The following ZNF470 variants were observed in gnomAD, a reference collection of about 807,000 sequenced individuals.
ZNF470 encodes zinc finger protein 470.
A neutral mutation model predicts 13.9 loss-of-function variants in ZNF470; 13 were observed. The observed-to-expected ratio is 0.94, with a 90% CI of 0.61 to 1.49. The LOEUF (loss-of-function observed/expected upper bound fraction) is 1.49, where lower values mean the gene tolerates loss of function less well. Ranked by LOEUF, ZNF470 falls within the 40% of genes most tolerant of loss-of-function variation. The probability of loss-of-function intolerance (pLI) is 0.00; values close to 1 mark genes in which losing one functional copy is unlikely to be tolerated. For synonymous variants in ZNF470, 293 were observed against 282.9 expected (o/e 1.04, Z -0.36); for missense variants, 929 against 857.3 (o/e 1.08, Z -1.04).
rs901196579 is a variant in ZNF470, at chr19:56,579,567, T to C, written c.*984T>C. The C allele has an allele frequency of 2.0e-6, 2 of 985,334 alleles. No homozygotes were observed. The highest frequency in any genetic ancestry group is 3.5e-5 in the African/African-American group (2 of 57,254). The allele number at this position is 985,334 out of a possible 1,614,324, so 61.0% of individuals were successfully genotyped here. ...AAGGGTAGTTCAATACTTTGGCCTT[T>C]ATAAAAGTACCACAGACAATTCGTG... On this transcript the variant is annotated 3_prime_UTR_variant, in exon 6 of 6. Transcript: ENST00000330619.
chr19:56,581,251 C>A lies in ZNF470; in HGVS notation c.*2668C>A. 2 of 614,840 alleles carry A rather than the reference C, an allele frequency of 3.3e-6. No individual in the cohort carries two copies. Among genetic ancestry groups the A allele is most frequent in the Non-Finnish European group, 4.1e-6 (2 of 492,226 alleles). 38.1% of individuals were successfully genotyped at this position (614,840 alleles called of 1,614,324 possible). ...ATAAAAGCAGTTAATGAAAATTATC[C>A]AATATCACTAGAAATCAAGAAATGC... is the stretch of plus-strand genomic sequence containing the variant. On this transcript the variant is annotated 3_prime_UTR_variant, in exon 6 of 6. Coordinates refer to ENST00000330619, the MANE Select transcript of ZNF470 (RefSeq NM_001001668.4).
In ZNF470 at chr19:56,577,116, AT is replaced by A; in HGVS notation, c.688del (p.Cys230ValfsTer126). 6.2e-7 allele frequency: 1 copy of A among 1,610,744 alleles called. No individual in the cohort carries two copies. Among genetic ancestry groups the A allele is most frequent in the South Asian group, 1.1e-5 (1 of 90,430 alleles). On this transcript the variant is annotated frameshift_variant, in exon 6 of 6. Coordinates refer to ENST00000330619, the MANE Select transcript of ZNF470 (RefSeq NM_001001668.4). LOFTEE classifies it low-confidence loss of function (END_TRUNC). ...QDRGEKKLLKCNDCEKIFSKI... is the reference protein window; with the variant it reads ...QDRGEKKLLKXNDCEKIFSKI... Reference sequence around the variant, plus strand: ...ACCGTGGAGAAAAGAAACTTTTAAAATGTAATGACTGTGAGAAAATATTCAG... The same window carrying A: ...ACCGTGGAGAAAAGAAACTTTTAAAAGTAATGACTGTGAGAAAATATTCAG...
At chr19:56,573,068 T>G (rs964717571) in intron 3 of ZNF470, among the ~76,000 whole-genome samples, 2 of 152,230 alleles carry the variant, frequency 1.3e-5, no homozygotes, top group African/African-American at 4.8e-5. Context: ...TATTTTAATA[T>G]AGGTAATCTA....
chr19:56,579,866 G>C lies in ZNF470; in HGVS notation c.*1283G>C. The C allele has an allele frequency of 1.8e-6, 1 of 549,202 alleles. No homozygotes were observed. Among genetic ancestry groups the C allele is most frequent in the Non-Finnish European group, 2.3e-6 (1 of 431,966 alleles). 34.0% of individuals were successfully genotyped at this position (549,202 alleles called of 1,614,324 possible). On this transcript the variant is annotated 3_prime_UTR_variant, in exon 6 of 6. Coordinates refer to ENST00000330619, the MANE Select transcript of ZNF470 (RefSeq NM_001001668.4). ...TCCATATTTTTTTAGTTGAGAAGCTGATTCTGATCATCTGTAGAATTTTGA... is the reference window on the plus strand; with the variant it reads ...TCCATATTTTTTTAGTTGAGAAGCTCATTCTGATCATCTGTAGAATTTTGA...
Position 56,578,912 on chromosome 19 carries a change from AT to A in ZNF470, c.*331del, listed in dbSNP as rs1277875485. ...TAAAGGTTTCCTTACAAACTATCAT[AT>A]TAAGCAGCAAGTAAACCAAACAGTA... On this transcript the variant is annotated 3_prime_UTR_variant, in exon 6 of 6. Coordinates refer to ENST00000330619, the MANE Select transcript of ZNF470 (RefSeq NM_001001668.4). 7.7e-6 allele frequency: 8 copies of A among 1,036,874 alleles called. No homozygotes were observed. Among genetic ancestry groups the A allele is most frequent in the Non-Finnish European group, 9.3e-6 (8 of 864,038 alleles). 64.2% of individuals were successfully genotyped at this position (1,036,874 alleles called of 1,614,324 possible). A position where few individuals can be genotyped will look rare whatever the true frequency, so the allele number is the denominator to read the frequency against.
intron 1 of ZNF470, 75 bp from the exon 2 acceptor site, chr19:56,568,683 C>G (rs1306765198): frequency 1.3e-5 from 2 of 152,310 alleles, no homozygotes; most frequent in East Asian, 1.9e-4. Flanking sequence ...AGACACAGTT[C>G]TAAGACCTTT....
At chr19:56,572,135 T>C (rs1251678846) in intron 3 of ZNF470, among the ~76,000 whole-genome samples, 2 of 150,112 alleles carry the variant, frequency 1.3e-5, no homozygotes, top group Non-Finnish European at 3.0e-5. Context: ...CACTCCACTC[T>C]TTTTCCCAGT....
At chr19:56,573,394 C>T (rs1430313702) in intron 3 of ZNF470, among the ~76,000 whole-genome samples, 1 of 152,232 alleles carries the variant, frequency 6.6e-6, no homozygotes, top group African/African-American at 2.4e-5. Context: ...GCCAACCTCA[C>T]CCAGCTAGTC....
At chr19:56,570,647 A>G (rs1363018083) in intron 3 of ZNF470, among the ~76,000 whole-genome samples, 1 of 152,164 alleles carries the variant, frequency 6.6e-6, no homozygotes, top group African/African-American at 2.4e-5. Flanking sequence ...CAGTCTTTTC[A>G]TAGGCATCTG....
rs996038944 is a variant in ZNF470, at chr19:56,579,617, A to G, written c.*1034A>G. 1.9e-5 allele frequency: 19 copies of G among 985,314 alleles called. No individual in the cohort carries two copies. The highest frequency in any genetic ancestry group is 2.3e-5 in the Non-Finnish European group (19 of 829,934). The allele number at this position is 985,314 out of a possible 1,614,324, so 61.0% of individuals were successfully genotyped here. ...GTGGTATTTAAATTGTTCTAGCATAAAATAAAATGCAATAAGACCTTCCAT... is the reference window on the plus strand; with the variant it reads ...GTGGTATTTAAATTGTTCTAGCATAGAATAAAATGCAATAAGACCTTCCAT... On this transcript the variant is annotated 3_prime_UTR_variant, in exon 6 of 6. Transcript: ENST00000330619.
chr19:56,568,524 C>A (rs998555906), intron 1 of ZNF470, among the ~76,000 whole-genome samples: 1 of 152,150 alleles, frequency 6.6e-6, no homozygotes, highest in African/African-American at 2.4e-5. Context: ...ATCCCCATTC[C>A]TTGGGCTTCT....
chr19:56,579,590 G>T lies in ZNF470; in HGVS notation c.*1007G>T. On this transcript the variant is annotated 3_prime_UTR_variant, in exon 6 of 6. Transcript: ENST00000330619. ...TTTATAAAAGTACCACAGACAATTC[G>T]TGTGGTATTTAAATTGTTCTAGCAT... is the stretch of plus-strand genomic sequence containing the variant. The T allele has an allele frequency of 4.1e-6, 4 of 985,322 alleles. No homozygotes were observed. Among genetic ancestry groups the T allele is most frequent in the African/African-American group, 1.7e-5 (1 of 57,332 alleles). 61.0% of individuals were successfully genotyped at this position (985,322 alleles called of 1,614,324 possible).
chr19:56,569,829 A>G (rs7246507), intron 2 of ZNF470, among the ~76,000 whole-genome samples: 34,707 of 151,864 alleles, frequency 0.23, 4,207 homozygotes, highest in Middle Eastern at 0.3. Flanking sequence ...ATCTCTATCA[A>G]AAGTAAAAAA....
chr19:56,572,094 A>C (rs932426718), intron 3 of ZNF470, among the ~76,000 whole-genome samples: 40 of 151,244 alleles, frequency 2.6e-4, no homozygotes, highest in African/African-American at 9.3e-4. Flanking sequence ...GAGTGGCAGA[A>C]TTTGTCATAA....
rs1393711725 is a variant in ZNF470, at chr19:56,582,322, G to C, written c.*3739G>C. The stretch of plus-strand genomic sequence containing the variant: ...TGGAATAACTTAAAGTTTAGCTCTT[G>C]AATTTCTAGCATTAAGGCAAAAAAA... On this transcript the variant is annotated 3_prime_UTR_variant, in exon 6 of 6. Coordinates refer to ENST00000330619, the MANE Select transcript of ZNF470 (RefSeq NM_001001668.4). 1.0e-6 allele frequency: 1 copy of C among 985,120 alleles called. No homozygotes were observed. Among genetic ancestry groups the C allele is most frequent in the East Asian group, 1.1e-4 (1 of 8,808 alleles). The allele number at this position is 985,120 out of a possible 1,614,324, so 61.0% of individuals were successfully genotyped here.
intron 3 of ZNF470, among the ~76,000 whole-genome samples, chr19:56,571,502 T>C (rs929496075): frequency 6.6e-6 from 1 of 152,226 alleles, no homozygotes; most frequent in African/African-American, 2.4e-5. Flanking sequence ...AAACTGTTAA[T>C]CTAGTTTCAC....
chr19:56,570,392 T>C, intron 3 of ZNF470, 21 bp downstream of exon 3: 1 of 1,612,024 alleles, frequency 6.2e-7, no homozygotes, highest in South Asian at 1.1e-5. Context: ...ATTCCCCCTC[T>C]CCCCACTAAA....
intron 1 of ZNF470, 147 bp from the exon 2 acceptor site, chr19:56,568,611 C>T (rs898919692): frequency 4.6e-5 from 7 of 152,168 alleles, no homozygotes; most frequent in African/African-American, 1.7e-4. Flanking sequence ...TTGTTCTGTG[C>T]TTGTTTAGTT....
chr19:56,577,798 A>T lies in ZNF470; in HGVS notation c.1369A>T (p.Ile457Phe), dbSNP rs769457764. 5.6e-6 allele frequency: 9 copies of T among 1,613,192 alleles called. No homozygotes were observed. The highest frequency in any genetic ancestry group is 7.6e-6 in the Non-Finnish European group (9 of 1,179,806). The part of the protein sequence containing the change: ...HTGEKPYECN[I>F]CEKAFSHRGS... ...AGGAGAGAAACCTTATGAATGCAAT[A>T]TCTGTGAGAAAGCCTTCAGCCATCG... Residue 457 changes from isoleucine to phenylalanine, a missense_variant, in exon 6 of 6, where the codon ATC (isoleucine) becomes TTC (phenylalanine). By Grantham distance (21) the Ile-to-Phe change is conservative. Coordinates refer to ENST00000330619, the MANE Select transcript of ZNF470 (RefSeq NM_001001668.4).
Sources: allele counts gnomAD v4.1 joint callset (sites outside exome capture counted in the v4.1 genomes callset), GRCh38; gene constraint gnomAD v4.1.1; transcripts MANE v1.5; gene names NCBI Gene and HGNC (gene_info 2026-07-23, HGNC 2026-07-21).